The following PLCG2 variants were observed in gnomAD, a reference collection of about 807,000 sequenced individuals.
PLCG2 encodes 1-phosphatidylinositol 4,5-bisphosphate phosphodiesterase gamma-2.
PLCG2 carries 69 observed loss-of-function variants against 175.6 expected under a neutral mutation model. The observed-to-expected ratio is 0.39, with a 90% CI of 0.32 to 0.48. PLCG2 has a LOEUF of 0.48. PLCG2 is among the 20% of genes least tolerant of loss of function. The pLI is 0.91. For synonymous variants in PLCG2, 827 were observed against 624.0 expected (o/e 1.33, Z -4.85); for missense variants, 1,798 against 1,650.9 (o/e 1.09, Z -1.54).
chr16:81,812,043 C>CTTTTTTT (rs539108021), intron 2 of PLCG2, among the ~76,000 whole-genome samples: 48 of 90,334 alleles, frequency 5.3e-4, no homozygotes, highest in East Asian at 8.9e-4. Context: ...TGTTTCCTGA[C>CTTTTTTT]TTTTTTTTTT....
intron 2 of PLCG2, 26 bp downstream of exon 2, chr16:81,786,208 G>A (rs748925816): frequency 1.9e-6 from 3 of 1,603,302 alleles, no homozygotes; most frequent in South Asian, 2.2e-5. Context: ...GTGGGGCAGT[G>A]TGGCCCGTCC....
intron 2 of PLCG2, among the ~76,000 whole-genome samples, chr16:81,838,373 C>T (rs998830649): frequency 6.6e-6 from 1 of 152,168 alleles, no homozygotes; most frequent in Non-Finnish European, 1.5e-5. Flanking sequence ...AGGCATGAGC[C>T]GCCGTTGCCA....
chr16:81,757,623 A>T lies in PLCG2; in HGVS notation c.-48+1657A>T, dbSNP rs959944033. 2.6e-5 allele frequency among the ~76,000 whole-genome samples: 4 copies of T among 152,166 alleles called. No homozygotes were observed. In the East Asian group the frequency reaches 7.7e-4, roughly 29 times the overall value. ...CTGTTGTTTCACATTTTCCTCCAGC[A>T]CTTCCTATTTTTTACATTTGGAAAA... On this transcript the variant is annotated intron_variant, in intron 2 of 5. Transcript: ENST00000565054.
chr16:81,767,758 C>A (rs1456840645), intron 2 of PLCG2: 1 of 152,120 alleles, frequency 6.6e-6, no homozygotes, highest in Non-Finnish European at 1.5e-5. Context: ...TCTTTTGTAT[C>A]CAACACTTCT....
intron 21 of PLCG2, among the ~76,000 whole-genome samples, chr16:81,923,057 G>A (rs557561042): frequency 6.6e-6 from 1 of 152,282 alleles, no homozygotes; most frequent in East Asian, 1.9e-4. Flanking sequence ...GAGCTTCTGG[G>A]AGGCTTGCTG....
chr16:81,772,564 C>T (rs542876670), intron 2 of PLCG2, among the ~76,000 whole-genome samples: 215 of 151,754 alleles, frequency 1.4e-3, no homozygotes, highest in African/African-American at 5.1e-3. Context: ...AATCCCAGCA[C>T]TTTGGGAGGC....
chr16:81,826,151 C>G (rs1466721863), intron 2 of PLCG2, among the ~76,000 whole-genome samples: 1 of 152,192 alleles, frequency 6.6e-6, no homozygotes, highest in Non-Finnish European at 1.5e-5. Flanking sequence ...ATACCACCAT[C>G]CAGCCAGGTC....
intron 2 of PLCG2, chr16:81,798,470 C>G (rs1220674364): frequency 6.6e-6 from 1 of 152,202 alleles, no homozygotes; most frequent in African/African-American, 2.4e-5. Context: ...GCTGGGGAGG[C>G]CTGGGCTTGG....
At chr16:81,841,557 G>T (rs1353672855) in intron 2 of PLCG2, among the ~76,000 whole-genome samples, 2 of 152,030 alleles carry the variant, frequency 1.3e-5, no homozygotes, top group African/African-American at 4.8e-5. Context: ...TTTACTTTTT[G>T]CAAAGTTTTT....
At chr16:81,855,969 G>C (rs1178520850) in intron 3 of PLCG2, among the ~76,000 whole-genome samples, 1 of 152,208 alleles carries the variant, frequency 6.6e-6, no homozygotes, top group African/African-American at 2.4e-5. Flanking sequence ...CCACCTGCAG[G>C]CTGAGCCCTG....
chr16:81,908,434 C>A lies in PLCG2; in HGVS notation c.1576C>A (p.Leu526Ile), dbSNP rs1567527440. ...GGCCCAGGATATACCCCCTACAGAA[C>A]TACATTTTGGGGAGAAATGGTTCCA... The part of the protein sequence containing the change: ...EVPQDIPPTE[L>I]HFGEKWFHKK... Residue 526 changes from leucine (L) to isoleucine (I), a missense_variant, in exon 17 of 33, where the codon CTA (leucine) becomes ATA (isoleucine). Transcript: ENST00000564138. The A allele has an allele frequency of 1.9e-6, 3 of 1,614,034 alleles. No individual in the cohort carries two copies. The South Asian group carries it at 3.3e-5, about 18-fold the overall frequency.
chr16:81,838,651 T>G (rs1905652628), intron 2 of PLCG2, among the ~76,000 whole-genome samples: 1 of 151,888 alleles, frequency 6.6e-6, no homozygotes, highest in Non-Finnish European at 1.5e-5. Context: ...GACAAATACC[T>G]AATGCCTGCA....
intron 13 of PLCG2, among the ~76,000 whole-genome samples, chr16:81,899,289 T>TATAC (rs908648451): frequency 5.4e-5 from 5 of 92,466 alleles, no homozygotes; most frequent in African/African-American, 1.5e-4. Flanking sequence ...TATATATATA[T>TATAC]ACACACACAC....
chr16:81,944,887 G>A (rs1270712210), intron 30 of PLCG2, among the ~76,000 whole-genome samples: 5 of 152,228 alleles, frequency 3.3e-5, no homozygotes, highest in African/African-American at 4.8e-5. Context: ...TAAAAGTTTC[G>A]TACAATCTAG....
At chr16:81,775,798 G>C (rs1248160758), upstream of PLCG2, among the ~76,000 whole-genome samples, 2 of 152,042 alleles carry the variant, frequency 1.3e-5, 1 homozygote, top group East Asian at 3.9e-4. Context: ...TGTAGGAAAA[G>C]GAAAAGAAAG....
chr16:81,741,197 A>C (rs1022024366), intron 1 of PLCG2, among the ~76,000 whole-genome samples: 3 of 151,970 alleles, frequency 2.0e-5, no homozygotes, highest in South Asian at 2.1e-4. Flanking sequence ...CGCTTATAAG[A>C]GGAAACAAAC....
chr16:81,831,382 T>C (rs1271614158), intron 2 of PLCG2, among the ~76,000 whole-genome samples: 1 of 152,184 alleles, frequency 6.6e-6, no homozygotes, highest in Non-Finnish European at 1.5e-5. Flanking sequence ...AATCTGTGGA[T>C]AATAGCAGCA....
Position 81,869,204 on chromosome 16 carries a change from T to C in PLCG2, c.480-10T>C. The C allele has an allele frequency of 8.1e-6, 13 of 1,611,880 alleles. No individual in the cohort carries two copies. Among genetic ancestry groups the C allele is most frequent in the Non-Finnish European group, 1.1e-5 (13 of 1,177,922 alleles). On this transcript the variant is annotated splice_polypyrimidine_tract_variant and intron_variant, in intron 5 of 32. Coordinates refer to ENST00000564138, the MANE Select transcript of PLCG2 (RefSeq NM_002661.5). ...TCAAGGTGACAGAACTGGGTCTCCC[T>C]CTTTTGCAGCATCAGTCTCCGAGAG...
chr16:81,832,443 G>A (rs1002680062), intron 2 of PLCG2, among the ~76,000 whole-genome samples: 13 of 152,286 alleles, frequency 8.5e-5, no homozygotes, highest in South Asian at 6.2e-4. Context: ...AGGTGGGAGC[G>A]CAGTGGCATG....
Sources: gnomAD v4.1 joint callset for allele counts (sites outside exome capture counted in the v4.1 genomes callset) on GRCh38, gnomAD v4.1.1 for gene constraint, MANE v1.5 for transcripts, NCBI Gene and HGNC (gene_info 2026-07-23, HGNC 2026-07-21) for gene names.